The following PLCE1 variants were observed in gnomAD, a reference collection of about 807,000 sequenced individuals.
The protein encoded by PLCE1 is 1-phosphatidylinositol 4,5-bisphosphate phosphodiesterase epsilon-1.
Under a neutral mutation model 242.8 loss-of-function variants are expected in PLCE1, and 119 were observed. The observed-to-expected ratio is 0.49, with a 90% CI of 0.42 to 0.57. The LOEUF (loss-of-function observed/expected upper bound fraction) is 0.57, where lower values mean the gene tolerates loss of function less well. Ranked by LOEUF, PLCE1 falls within the 20% of genes least tolerant of loss-of-function variation. The pLI is 0.00. For synonymous variants in PLCE1, 945 were observed against 1,017.4 expected (o/e 0.93, Z 1.35); for missense variants, 2,441 against 2,788.8 (o/e 0.88, Z 2.81).
At chr10:94,063,343 C>G (rs1363050063) in intron 2 of PLCE1, among the ~76,000 whole-genome samples, 1 of 152,174 alleles carries the variant, frequency 6.6e-6, no homozygotes, top group Non-Finnish European at 1.5e-5. Context: ...GCCACTTTCT[C>G]CCTGACTCTC....
chr10:94,065,290 A>G (rs1243664447), intron 2 of PLCE1, among the ~76,000 whole-genome samples: 3 of 152,136 alleles, frequency 2.0e-5, no homozygotes, highest in Non-Finnish European at 1.5e-5. Context: ...TGGTGATACC[A>G]TTTATTCCTT....
intron 4 of PLCE1, among the ~76,000 whole-genome samples, chr10:94,216,958 A>G (rs1055606512): frequency 2.7e-4 from 41 of 150,774 alleles, no homozygotes; most frequent in African/African-American, 8.8e-4. Flanking sequence ...TTACATTACC[A>G]TGCTCTACTA....
chr10:94,276,648 C>A (rs61044747), intron 19 of PLCE1, among the ~76,000 whole-genome samples: 10,517 of 152,190 alleles, frequency 0.069, 655 homozygotes, highest in African/African-American at 0.17. Context: ...TTATCCAAAA[C>A]AGCTAAGGAG....
intron 8 of PLCE1, among the ~76,000 whole-genome samples, chr10:94,250,567 A>T (rs1279276110): frequency 6.6e-6 from 1 of 152,196 alleles, no homozygotes; most frequent in Non-Finnish European, 1.5e-5. Flanking sequence ...ATTTTGTGTA[A>T]AACAAAAGAA....
chr10:93,999,642 G>A (rs1223590), intron 1 of PLCE1, among the ~76,000 whole-genome samples: 1 of 151,880 alleles, frequency 6.6e-6, no homozygotes, highest in Non-Finnish European at 1.5e-5. Flanking sequence ...TGGACAGCCC[G>A]AAGCCGTGGG....
chr10:94,268,320 C>A (rs1013006582), intron 16 of PLCE1, among the ~76,000 whole-genome samples: 2 of 152,160 alleles, frequency 1.3e-5, no homozygotes, highest in African/African-American at 4.8e-5. Context: ...GAGAAAGGAA[C>A]CATTTATGGA....
chr10:94,084,482 G>A (rs186483612), intron 2 of PLCE1, among the ~76,000 whole-genome samples: 179 of 152,194 alleles, frequency 1.2e-3, no homozygotes, highest in African/African-American at 4.0e-3. Flanking sequence ...AAACCAGGGC[G>A]CTGGACTAAG....
chr10:94,065,573 T>C (rs946551315), intron 2 of PLCE1, among the ~76,000 whole-genome samples: 17 of 152,212 alleles, frequency 1.1e-4, no homozygotes, highest in African/African-American at 4.1e-4. Flanking sequence ...TTGCATCATA[T>C]TTGCCTACCC....
At chr10:94,228,266 G>A (rs1214711357) in intron 5 of PLCE1, among the ~76,000 whole-genome samples, 1 of 152,210 alleles carries the variant, frequency 6.6e-6, no homozygotes, top group Non-Finnish European at 1.5e-5. Context: ...AGGCAGCATG[G>A]TATGTGAGGA....
At chr10:94,056,924 C>T (rs1190264367) in intron 2 of PLCE1, among the ~76,000 whole-genome samples, 1 of 148,452 alleles carries the variant, frequency 6.7e-6, no homozygotes, top group Non-Finnish European at 1.5e-5. Context: ...TTGTGACGGG[C>T]GTTTTTCACT....
At chr10:94,227,802 G>A (rs2049998447) in intron 5 of PLCE1, among the ~76,000 whole-genome samples, 7 of 152,150 alleles carry the variant, frequency 4.6e-5, no homozygotes, top group Admixed American at 4.6e-4. Flanking sequence ...TTTCAGGCCT[G>A]CCTTATGTAG....
chr10:94,150,408 C>T (rs149883298), intron 3 of PLCE1, among the ~76,000 whole-genome samples: 1 of 152,286 alleles, frequency 6.6e-6, no homozygotes, highest in East Asian at 1.9e-4. Context: ...AGTCTATAAG[C>T]CCAAGGCCCT....
chr10:94,317,869 T>C (rs2053632565), intron 29 of PLCE1, among the ~76,000 whole-genome samples: 1 of 152,322 alleles, frequency 6.6e-6, no homozygotes, highest in African/African-American at 2.4e-5. Flanking sequence ...ACAATTTGAT[T>C]ACATAAATAT....
Position 94,268,913 on chromosome 10 carries a change from C to T in PLCE1, c.4282-16C>T, listed in dbSNP as rs1326304917. ...CAGGTGCTCACCTGGGGTGGATTCGCTCATTGATCACACAGGTCCTTTTGC... is the reference window on the plus strand; with the variant it reads ...CAGGTGCTCACCTGGGGTGGATTCGTTCATTGATCACACAGGTCCTTTTGC... On this transcript the variant is annotated splice_polypyrimidine_tract_variant and intron_variant, in intron 16 of 32. Coordinates refer to ENST00000371380, the MANE Select transcript of PLCE1 (RefSeq NM_016341.4). The T allele has an allele frequency of 6.6e-7, 1 of 1,521,904 alleles. No individual in the cohort carries two copies. Among genetic ancestry groups the T allele is most frequent in the Non-Finnish European group, 9.1e-7 (1 of 1,096,288 alleles). 94.3% of individuals were successfully genotyped at this position (1,521,904 alleles called of 1,614,324 possible).
intron 19 of PLCE1, among the ~76,000 whole-genome samples, chr10:94,278,529 A>T (rs1314230434): frequency 6.6e-6 from 1 of 152,230 alleles, no homozygotes; most frequent in African/African-American, 2.4e-5. Flanking sequence ...TAATAAACAC[A>T]TATATTCTAA....
At chr10:94,324,727 A>G (rs903595029) in intron 31 of PLCE1, among the ~76,000 whole-genome samples, 160 bp downstream of exon 31, 8 of 152,144 alleles carry the variant, frequency 5.3e-5, no homozygotes, top group African/African-American at 1.9e-4. Flanking sequence ...GTGTGAAAAA[A>G]CATGTGGCCG....
At chr10:94,272,762 CT>C (rs1250114632) in intron 18 of PLCE1, among the ~76,000 whole-genome samples, 1 of 152,174 alleles carries the variant, frequency 6.6e-6, no homozygotes, top group Non-Finnish European at 1.5e-5. Context: ...TTCCCCCTTC[CT>C]TTAATGGTAG....
intron 18 of PLCE1, among the ~76,000 whole-genome samples, chr10:94,271,477 G>A (rs569878994): frequency 6.6e-6 from 1 of 151,840 alleles, no homozygotes; most frequent in African/African-American, 2.4e-5. Flanking sequence ...ACCACGTCTG[G>A]CTAATTTTTT....
In PLCE1 at chr10:94,073,500, C is replaced by G. The variant is rs570249224; in HGVS notation, c.1206+41248C>G. ...TATTCCAGGTGGAAGGGTGAAGATA[C>G]GGAAGCAGAATTGAGAGAAGACAGT... On this transcript the variant is annotated intron_variant, in intron 2 of 32. Coordinates refer to ENST00000371380, the MANE Select transcript of PLCE1 (RefSeq NM_016341.4). Among the ~76,000 whole-genome samples the G allele has an allele frequency of 5.3e-5, 8 of 152,170 alleles. No homozygotes were observed. The East Asian group carries it at 1.5e-3, about 29-fold the overall frequency.
Sources: gnomAD v4.1 joint callset for allele counts (sites outside exome capture counted in the v4.1 genomes callset) on GRCh38, gnomAD v4.1.1 for gene constraint, MANE v1.5 for transcripts, NCBI Gene and HGNC (gene_info 2026-07-23, HGNC 2026-07-21) for gene names.